BCAS3: variants seen among roughly 807,000 people sequenced by gnomAD.
BCAS3 encodes BCAS4/BCAS3 fusion.
In BCAS3, 53 loss-of-function variants were observed where a neutral mutation model predicts 116.1. That is an observed-to-expected ratio of 0.46 (90% CI 0.37 to 0.57). The LOEUF (loss-of-function observed/expected upper bound fraction) is 0.57, where lower values mean the gene tolerates loss of function less well. Ranked by LOEUF, BCAS3 falls within the 20% of genes least tolerant of loss-of-function variation. BCAS3 has a pLI of 0.00. For synonymous variants in BCAS3, 391 were observed against 408.2 expected, an observed-to-expected ratio of 0.96 and a Z score of 0.51; for missense variants, 917 against 1,165.4, an observed-to-expected ratio of 0.79 and a Z score of 3.10.
intron 10 of BCAS3, among the ~76,000 whole-genome samples, chr17:60,897,350 A>T (rs1362443026): frequency 6.6e-6 from 1 of 152,042 alleles, no homozygotes; most frequent in African/African-American, 2.4e-5. Flanking sequence ...TTCACTCTTT[A>T]TCTTTGATTT....
rs530812287 is a variant in BCAS3 at position 61,313,367 on chromosome 17, A to T, written c.2426-54960A>T. ...TATAGGAAGCTTAATCTGCGGTTCT[A>T]CTTAAAATATGAGGAAACATCTGGA... On this transcript the variant is annotated intron_variant, in intron 22 of 23. Transcript: ENST00000407086. This position sits in a 1 kb window ranked among gnomAD's most constrained non-coding sequence, Gnocchi z 4.3. 1.2e-4 allele frequency among the ~76,000 whole-genome samples: 18 copies of T among 152,292 alleles called. No individual in the cohort carries two copies. The highest frequency in any genetic ancestry group is 4.3e-4 in the African/African-American group (18 of 41,568).
At chr17:60,880,971 TTTTG>T (rs2056081953) in intron 9 of BCAS3, among the ~76,000 whole-genome samples, 3 of 151,810 alleles carry the variant, frequency 2.0e-5, no homozygotes, top group South Asian at 4.2e-4. Context: ...TTTTGTTTTG[TTTTG>T]TTTGTTTGTT....
chr17:60,682,289 G>C (rs1250354540), intron 2 of BCAS3, among the ~76,000 whole-genome samples: 1 of 152,166 alleles, frequency 6.6e-6, no homozygotes, highest in Non-Finnish European at 1.5e-5. Flanking sequence ...TTGATTCAAA[G>C]AAGAACTTGG....
chr17:60,722,691 G>T (rs558546723), intron 5 of BCAS3, among the ~76,000 whole-genome samples: 1 of 151,630 alleles, frequency 6.6e-6, no homozygotes, highest in Admixed American at 6.6e-5. Context: ...AACCTGGGAG[G>T]TGGAGGTTGC....
chr17:61,192,969 T>G (rs2080238011), intron 22 of BCAS3, among the ~76,000 whole-genome samples: 1 of 152,182 alleles, frequency 6.6e-6, no homozygotes, highest in African/African-American at 2.4e-5. Flanking sequence ...GGTATAAAAA[T>G]TTAAGGACAC....
intron 5 of BCAS3, among the ~76,000 whole-genome samples, chr17:60,720,767 A>G (rs555272363): frequency 1.5e-4 from 23 of 152,354 alleles, no homozygotes; most frequent in Middle Eastern, 6.8e-3. Context: ...TTATGTGCAG[A>G]TACCATGCCA....
chr17:60,706,207 C>T (rs1460915085), intron 4 of BCAS3, among the ~76,000 whole-genome samples: 8 of 152,082 alleles, frequency 5.3e-5, no homozygotes, highest in Middle Eastern at 6.8e-3. Flanking sequence ...GGATTACAGG[C>T]ACCCACCACC....
intron 22 of BCAS3, among the ~76,000 whole-genome samples, chr17:61,287,452 G>A (rs1028853453): frequency 1.2e-4 from 19 of 152,220 alleles, no homozygotes; most frequent in East Asian, 1.2e-3. Context: ...TTTGCAGGGC[G>A]TGGTGGCTCA....
rs556942509 is a variant in BCAS3, at chr17:61,248,272, T to G, written c.2426-120055T>G. Among the ~76,000 whole-genome samples the G allele has an allele frequency of 6.6e-6, 1 of 152,308 alleles. No homozygotes were observed. The highest frequency in any genetic ancestry group is 1.9e-4 in the East Asian group (1 of 5,192). On this transcript the variant is annotated intron_variant, in intron 22 of 23. Coordinates refer to ENST00000407086, the MANE Select transcript of BCAS3 (RefSeq NM_017679.5). This position sits in a 1 kb window ranked among gnomAD's most constrained non-coding sequence, Gnocchi z 4.3. The stretch of plus-strand genomic sequence containing the variant: ...AGCACATAAAGGCCTGATTTTTTCT[T>G]CTGAGTTGGATTGGATGGTTTAACA...
At chr17:61,182,465 T>C (rs1413543978) in intron 22 of BCAS3, among the ~76,000 whole-genome samples, 1 of 152,182 alleles carries the variant, frequency 6.6e-6, no homozygotes, top group African/African-American at 2.4e-5. Flanking sequence ...CTTATCCTTA[T>C]CTCCCTAATC....
At position 61,361,603 on chromosome 17, in the gene BCAS3, T is replaced by A. The variant is rs1471481841; in HGVS notation, c.2426-6724T>A. 6.6e-6 allele frequency: 1 copy of A among 152,128 alleles called. No homozygotes were observed. Among genetic ancestry groups the A allele is most frequent in the African/African-American group, 2.4e-5 (1 of 41,470 alleles). 9.4% of individuals were successfully genotyped at this position (152,128 alleles called of 1,614,324 possible). On this transcript the variant is annotated intron_variant, in intron 22 of 23. Transcript: ENST00000407086. The surrounding 1 kb of genome is among the most constrained non-coding windows in gnomAD (Gnocchi z 6.5). ...ATAATATATCTGTGGACACATCTGA[T>A]GGCTAATTATATGAGCCAGGGTTCT... is the stretch of plus-strand genomic sequence containing the variant.
At chr17:60,926,752 T>C (rs1443984799) in intron 13 of BCAS3, among the ~76,000 whole-genome samples, 2 of 152,184 alleles carry the variant, frequency 1.3e-5, no homozygotes, top group Non-Finnish European at 2.9e-5. Flanking sequence ...CACTGGCAGC[T>C]GTATTTTTTT....
chr17:60,965,179 C>A (rs1183912023), intron 14 of BCAS3, among the ~76,000 whole-genome samples: 1 of 150,978 alleles, frequency 6.6e-6, no homozygotes, highest in African/African-American at 2.4e-5. Flanking sequence ...TACAAACTTG[C>A]CTGTTAGTAC....
chr17:61,342,733 A>G (rs2057251180), intron 22 of BCAS3, among the ~76,000 whole-genome samples: 1 of 151,638 alleles, frequency 6.6e-6, no homozygotes, highest in Admixed American at 6.6e-5. Context: ...CATGTACTGT[A>G]TGAAGAGATT....
intron 15 of BCAS3, among the ~76,000 whole-genome samples, chr17:61,006,374 A>G (rs992751420): frequency 1.3e-5 from 2 of 152,106 alleles, no homozygotes; most frequent in Non-Finnish European, 2.9e-5. Context: ...CTTCCTACAA[A>G]GTGTTTATCT....
chr17:60,868,785 A>G (rs1007929333), intron 8 of BCAS3, 102 bp downstream of exon 8: 5 of 622,688 alleles, frequency 8.0e-6, no homozygotes, highest in Admixed American at 3.9e-5. Flanking sequence ...TTTATTTTTA[A>G]AAATCTCAAG....
At chr17:60,682,737 G>C (rs981799240) in intron 2 of BCAS3, among the ~76,000 whole-genome samples, 3 of 152,206 alleles carry the variant, frequency 2.0e-5, no homozygotes, top group Admixed American at 6.5e-5. Context: ...GGCCAGGCTG[G>C]TCTTGAACTC....
chr17:60,833,851 T>C (rs1177146301), intron 7 of BCAS3, among the ~76,000 whole-genome samples: 2 of 152,174 alleles, frequency 1.3e-5, no homozygotes, highest in Admixed American at 6.6e-5. Context: ...CAACTGCCTT[T>C]ACAAGAAAAG....
intron 19 of BCAS3, among the ~76,000 whole-genome samples, chr17:61,060,484 A>G (rs557023826): frequency 3.3e-5 from 5 of 151,900 alleles, no homozygotes; most frequent in African/African-American, 1.2e-4. Context: ...GTTATGTGGG[A>G]AAAAAAACCT....
Sources: gnomAD v4.1 joint callset for allele counts (sites outside exome capture counted in the v4.1 genomes callset) on GRCh38, gnomAD v4.1.1 for gene constraint, Gnocchi (gnomAD v3.1) non-coding constraint, MANE v1.5 for transcripts, NCBI Gene and HGNC (gene_info 2026-07-23, HGNC 2026-07-21) for gene names.